NALF1: variants seen among roughly 807,000 people sequenced by gnomAD.
NALF1 encodes the protein family with sequence similarity 155 member A.
A neutral mutation model predicts 48.4 loss-of-function variants in NALF1; 3 were observed. That is an observed-to-expected ratio of 0.06 (90% CI 0.03 to 0.16). The LOEUF is 0.16. NALF1 is among the 10% of genes least tolerant of loss of function. NALF1 has a pLI of 1.00. For synonymous variants in NALF1, 262 were observed against 245.7 expected, an observed-to-expected ratio of 1.07 and a Z score of -0.62; for missense variants, 526 against 571.5, an observed-to-expected ratio of 0.92 and a Z score of 0.81.
intron 1 of NALF1, among the ~76,000 whole-genome samples, chr13:107,563,115 A>G (rs1308880377): frequency 6.6e-6 from 1 of 152,230 alleles, no homozygotes; most frequent in Admixed American, 6.5e-5. Context: ...ACTGAGCACA[A>G]AATTTAAGCA....
intron 1 of NALF1, among the ~76,000 whole-genome samples, chr13:107,506,596 C>CTCTA (rs1283443399): frequency 6.6e-6 from 1 of 151,678 alleles, no homozygotes. Context: ...GCATTTTTCT[C>CTCTA]TATTTATTTT....
intron 1 of NALF1, among the ~76,000 whole-genome samples, chr13:107,561,682 T>G (rs1877651217): frequency 1.3e-5 from 2 of 152,176 alleles, no homozygotes; most frequent in South Asian, 2.1e-4. Context: ...TCCTACCTAT[T>G]AATTTTTAAG....
At chr13:107,840,191 T>A (rs1484077139) in intron 1 of NALF1, among the ~76,000 whole-genome samples, 1 of 152,152 alleles carries the variant, frequency 6.6e-6, no homozygotes, top group Non-Finnish European at 1.5e-5. Context: ...CATGCAACTA[T>A]ACGAATAGGA....
intron 1 of NALF1, among the ~76,000 whole-genome samples, chr13:107,300,482 T>G (rs1430445261): frequency 6.6e-6 from 1 of 152,238 alleles, no homozygotes; most frequent in African/African-American, 2.4e-5. Flanking sequence ...ATGATTCATA[T>G]TAATATTTGC....
At chr13:107,818,673 C>T (rs1438187202) in intron 1 of NALF1, among the ~76,000 whole-genome samples, 3 of 150,266 alleles carry the variant, frequency 2.0e-5, no homozygotes, top group South Asian at 4.3e-4. Flanking sequence ...GAGATCGAGA[C>T]CATCCTGGCT....
chr13:107,391,196 G>C (rs114047204), intron 1 of NALF1, among the ~76,000 whole-genome samples: 1,909 of 152,156 alleles, frequency 0.013, 37 homozygotes, highest in African/African-American at 0.044. Flanking sequence ...GTCCCTGGAA[G>C]CACCTCCTCC....
chr13:107,863,852 C>T (rs1196610234), intron 1 of NALF1, among the ~76,000 whole-genome samples: 2 of 152,106 alleles, frequency 1.3e-5, no homozygotes, highest in East Asian at 3.8e-4. Context: ...ATTTGGCATG[C>T]TCATTTGAAA....
intron 1 of NALF1, among the ~76,000 whole-genome samples, chr13:107,339,108 T>G (rs1039557305): frequency 7.2e-4 from 97 of 135,398 alleles, no homozygotes; most frequent in African/African-American, 2.5e-3. Flanking sequence ...CACTCCAGCC[T>G]GGGCGACAGA....
At chr13:107,513,142 A>AT (rs1008523419) in intron 1 of NALF1, among the ~76,000 whole-genome samples, 2 of 152,044 alleles carry the variant, frequency 1.3e-5, no homozygotes, top group Non-Finnish European at 2.9e-5. Flanking sequence ...ATAAGACAAC[A>AT]TTTTTTTAGG....
intron 1 of NALF1, among the ~76,000 whole-genome samples, chr13:107,335,780 A>G (rs1405070857): frequency 1.3e-5 from 2 of 152,230 alleles, no homozygotes; most frequent in Admixed American, 6.5e-5. Context: ...CTACCTTTTC[A>G]GTCGATTCTA....
chr13:107,171,414 AT>A (rs890706392), intron 2 of NALF1, among the ~76,000 whole-genome samples: 1 of 152,128 alleles, frequency 6.6e-6, no homozygotes, highest in African/African-American at 2.4e-5. Context: ...TTGAGGCTTC[AT>A]TATCTTTTGC....
At chr13:107,474,502 T>A (rs944886552) in intron 1 of NALF1, among the ~76,000 whole-genome samples, 2 of 152,198 alleles carry the variant, frequency 1.3e-5, no homozygotes, top group Non-Finnish European at 1.5e-5. Flanking sequence ...TTAACAAAAA[T>A]ATGCTAGATT....
At chr13:107,312,136 G>C (rs921386565) in intron 1 of NALF1, among the ~76,000 whole-genome samples, 1 of 152,042 alleles carries the variant, frequency 6.6e-6, no homozygotes. Flanking sequence ...TGTTTATTGC[G>C]GCACTATTCA....
intron 1 of NALF1, among the ~76,000 whole-genome samples, chr13:107,539,398 G>A (rs1362440116): frequency 6.6e-6 from 1 of 151,930 alleles, no homozygotes; most frequent in Non-Finnish European, 1.5e-5. Flanking sequence ...CCATTGAAGA[G>A]GGCTCTGCCC....
In NALF1 at chr13:107,865,708, C is replaced by G; in HGVS notation, c.889G>C (p.Val297Leu). The G allele has an allele frequency of 6.2e-7, 1 of 1,614,050 alleles. No individual in the cohort carries two copies. The highest frequency in any genetic ancestry group is 8.5e-7 in the Non-Finnish European group (1 of 1,179,984). Residue 297 changes from valine (V) to leucine (L), a missense_variant, in exon 1 of 3, where the codon GTG (valine) becomes CTG (leucine). Around this residue, in one of 2 missense-constraint regions of NALF1, gnomAD observed 153 missense variants for 215.9 expected, o/e 0.71. Transcript: ENST00000375915. ...TTACAGTCTTCAGGACAGGATTTCA[C>G]CGAGTACTCCTCCGACTGTAAATAT... The part of the protein sequence containing the change: ...HKYLQSEEYS[V>L]KSCPEDCKIV...
At chr13:107,855,017 G>C (rs1312717819) in intron 1 of NALF1, among the ~76,000 whole-genome samples, 1 of 152,182 alleles carries the variant, frequency 6.6e-6, no homozygotes, top group Non-Finnish European at 1.5e-5. Flanking sequence ...TTTTCTACCT[G>C]CTCAGCATCT....
intron 1 of NALF1, among the ~76,000 whole-genome samples, chr13:107,339,417 G>A (rs1882627394): frequency 6.6e-6 from 1 of 152,010 alleles, no homozygotes; most frequent in Non-Finnish European, 1.5e-5. Flanking sequence ...GTAGGTTTGT[G>A]AAAATATAGC....
At chr13:107,703,136 G>A (rs1023803590) in intron 1 of NALF1, among the ~76,000 whole-genome samples, 4 of 152,162 alleles carry the variant, frequency 2.6e-5, no homozygotes, top group African/African-American at 9.6e-5. Flanking sequence ...TGGTGTATGG[G>A]TGGATATTCA....
intron 1 of NALF1, among the ~76,000 whole-genome samples, chr13:107,520,045 G>C (rs1305043306): frequency 6.6e-6 from 1 of 152,086 alleles, no homozygotes; most frequent in Non-Finnish European, 1.5e-5. Flanking sequence ...GCTTTATGAT[G>C]ATCTTTAGTG....
Sources: gnomAD v4.1 joint callset for allele counts (sites outside exome capture counted in the v4.1 genomes callset) on GRCh38, gnomAD v4.1.1 for gene constraint, gnomAD v4.1.1 regional missense constraint, MANE v1.5 for transcripts, NCBI Gene and HGNC (gene_info 2026-07-23, HGNC 2026-07-21) for gene names.